The following USP34 variants were observed in gnomAD, a reference collection of about 807,000 sequenced individuals.
USP34 encodes ubiquitin carboxyl-terminal hydrolase 34.
A neutral mutation model predicts 460.3 loss-of-function variants in USP34; 70 were observed. The ratio of observed to expected loss-of-function variants is 0.15; its 90% confidence interval spans 0.13 to 0.19. The LOEUF (loss-of-function observed/expected upper bound fraction) is 0.19. Among genes scored for constraint, USP34 ranks in the 10% least tolerant of loss-of-function variants. The probability of loss-of-function intolerance (pLI) is 1.00; values close to 1 mark genes in which losing one functional copy is unlikely to be tolerated. For missense variants in USP34, 3,985 were observed against 4,236.2 expected (o/e 0.94, Z 1.65); for synonymous variants, 1,647 against 1,405.3 (o/e 1.17, Z -3.85).
chr2:61,210,800 C>A (rs1469332244), intron 69 of USP34, among the ~76,000 whole-genome samples: 1 of 152,162 alleles, frequency 6.6e-6, no homozygotes, highest in Non-Finnish European at 1.5e-5. Flanking sequence ...CAGCTTCCAC[C>A]TTTTGGGCTC....
At chr2:61,261,769 C>G (rs556550429) in intron 43 of USP34, among the ~76,000 whole-genome samples, 2 of 152,046 alleles carry the variant, frequency 1.3e-5, no homozygotes, top group East Asian at 3.9e-4. Flanking sequence ...GAATAAAGTG[C>G]CCACTTGACT....
intron 23 of USP34, among the ~76,000 whole-genome samples, chr2:61,315,376 T>G (rs1046604469): frequency 6.7e-6 from 1 of 148,206 alleles, no homozygotes; most frequent in African/African-American, 2.5e-5. Context: ...CTCACCCAAT[T>G]TTTTTTTTTT....
At chr2:61,267,114 A>G (rs978834830) in intron 41 of USP34, among the ~76,000 whole-genome samples, 1 of 152,208 alleles carries the variant, frequency 6.6e-6, no homozygotes, top group African/African-American at 2.4e-5. Context: ...TGGAACTCCA[A>G]TGGAAGACAA....
Position 61,203,577 on chromosome 2 carries a change from G to A in USP34, c.9385-314C>T, listed in dbSNP as rs184315182. Among the ~76,000 whole-genome samples, 214 of 152,184 alleles carry A rather than the reference G, an allele frequency of 1.4e-3. 1 individual carries two copies. The highest frequency in any genetic ancestry group is 4.9e-3 in the African/African-American group (203 of 41,526). The stretch of plus-strand genomic sequence containing the variant: ...GAAAAATGAATTAAGTTTGACTTTT[G>A]AAATAGATTCCAAGTTATTCCTGTA... On this transcript the variant is annotated intron_variant, in intron 74 of 79. Transcript: ENST00000398571.
rs377590778 is a variant in USP34, at chr2:61,242,971, T to G, written c.6628-1152A>C. On this transcript the variant is annotated intron_variant, in intron 51 of 79. Coordinates refer to ENST00000398571, the MANE Select transcript of USP34 (RefSeq NM_014709.4). ...GGTTCTCCTGTCTCAGCCTCCTGAA[T>G]AGCTGGGATTACAGGTGCCCGCTAT... Among the ~76,000 whole-genome samples, 13 of 152,086 alleles carry G rather than the reference T, an allele frequency of 8.5e-5. No homozygotes were observed. In the East Asian group the frequency reaches 1.2e-3, roughly 14 times the overall value.
At chr2:61,264,847 G>A (rs1282778901) in intron 43 of USP34, among the ~76,000 whole-genome samples, 1 of 151,972 alleles carries the variant, frequency 6.6e-6, no homozygotes, top group Non-Finnish European at 1.5e-5. Flanking sequence ...AACACAGAGA[G>A]ACCTCATCTC....
At chr2:61,229,752 T>G (rs915238421) in intron 58 of USP34, 119 bp from the exon 59 acceptor site, 22 of 791,656 alleles carry the variant, frequency 2.8e-5, no homozygotes, top group East Asian at 1.6e-4. Context: ...ATTATCTTGG[T>G]ATTCTGGAGC....
chr2:61,436,346 A>T (rs1456277678), intron 1 of USP34, among the ~76,000 whole-genome samples: 1 of 152,196 alleles, frequency 6.6e-6, no homozygotes, highest in African/African-American at 2.4e-5. Flanking sequence ...ACATAGACTA[A>T]AAGTGAAAGG....
intron 30 of USP34, among the ~76,000 whole-genome samples, chr2:61,296,117 G>T (rs1031547986): frequency 8.5e-5 from 13 of 152,118 alleles, no homozygotes; most frequent in African/African-American, 3.1e-4. Context: ...AAATGAGCCA[G>T]GCATGGTGCA....
chr2:61,372,493 CTG>C (rs1037058237), intron 8 of USP34, among the ~76,000 whole-genome samples: 2 of 152,092 alleles, frequency 1.3e-5, no homozygotes, highest in African/African-American at 4.8e-5. Flanking sequence ...CTTTGGGAGA[CTG>C]AGGTCGAGGG....
At chr2:61,423,048 A>G (rs565555414) in intron 1 of USP34, among the ~76,000 whole-genome samples, 2 of 152,330 alleles carry the variant, frequency 1.3e-5, no homozygotes, top group South Asian at 4.1e-4. Context: ...CAAACAAAAA[A>G]TAAGTGAATT....
intron 5 of USP34, among the ~76,000 whole-genome samples, chr2:61,394,367 C>T (rs1449394879): frequency 6.6e-6 from 1 of 151,580 alleles, no homozygotes; most frequent in Non-Finnish European, 1.5e-5. Flanking sequence ...TTAAAATGGC[C>T]TGGGCAACAT....
chr2:61,423,221 C>A (rs1330041783), intron 1 of USP34, among the ~76,000 whole-genome samples: 3 of 152,196 alleles, frequency 2.0e-5, no homozygotes, highest in East Asian at 3.8e-4. Context: ...TCAAGCGATT[C>A]TCCTGCCTCA....
rs2103825308 is a variant in USP34 at position 61,228,722 on chromosome 2, A to G, written c.7369-3T>C. Reference sequence around the variant, plus strand: ...TGCAATGAAAGCAAAAATTGGCTCTAAACAAACAAACAAACAAAATTTAAA... The same window carrying G: ...TGCAATGAAAGCAAAAATTGGCTCTGAACAAACAAACAAACAAAATTTAAA... On this transcript the variant is annotated splice_polypyrimidine_tract_variant and splice_region_variant and intron_variant, in intron 60 of 79. Transcript: ENST00000398571. 2 of 1,598,938 alleles carry G rather than the reference A, an allele frequency of 1.3e-6. No homozygotes were observed. Among genetic ancestry groups the G allele is most frequent in the East Asian group, 4.5e-5 (2 of 44,736 alleles).
chr2:61,413,038 C>T lies in USP34; in HGVS notation c.132-6910G>A, dbSNP rs112491233. On this transcript the variant is annotated intron_variant, in intron 2 of 79. Coordinates refer to ENST00000398571, the MANE Select transcript of USP34 (RefSeq NM_014709.4). ...TTCACAACCAAAAGGCCCACCAAAA[C>T]AGACAAAATTTCTGAAGCTGAGGAG... Among the ~76,000 whole-genome samples the T allele has an allele frequency of 8.9e-3, 1,351 of 152,094 alleles. 20 individuals are homozygous for T. The highest frequency in any genetic ancestry group is 0.031 in the African/African-American group (1,275 of 41,480).
intron 2 of USP34, among the ~76,000 whole-genome samples, chr2:61,414,962 G>A (rs1041418199): frequency 2.9e-4 from 44 of 152,154 alleles, no homozygotes; most frequent in African/African-American, 1.1e-3. Flanking sequence ...ACTGCCACCG[G>A]CATGATTAGT....
At position 61,293,565 on chromosome 2, in the gene USP34, G is replaced by C. The variant is rs117505252; in HGVS notation, c.4462-15C>G. 9.7e-4 allele frequency: 1,548 copies of C among 1,599,030 alleles called. 33 individuals are homozygous for C. The East Asian group carries it at 0.028, about 28-fold the overall frequency. ...GCAGCAACAAACTGTAGGCAATTGT[G>C]AAAGTAATAGTAAGAGAAAAGCAGA... is the stretch of plus-strand genomic sequence containing the variant. On this transcript the variant is annotated splice_polypyrimidine_tract_variant and intron_variant, in intron 32 of 79. Coordinates refer to ENST00000398571, the MANE Select transcript of USP34 (RefSeq NM_014709.4).
intron 2 of USP34, 23 bp from the exon 3 acceptor site, chr2:61,406,151 T>G: frequency 6.7e-7 from 1 of 1,484,646 alleles, no homozygotes; most frequent in Non-Finnish European, 9.0e-7. Context: ...AAAAATTGAA[T>G]AAATTAGTAA....
chr2:61,328,258 C>T (rs920765272), intron 20 of USP34, among the ~76,000 whole-genome samples: 5 of 145,602 alleles, frequency 3.4e-5, no homozygotes, highest in East Asian at 2.0e-4. Context: ...GCTGAGATCA[C>T]GACATTGCAC....
Sources: allele counts gnomAD v4.1 joint callset (sites outside exome capture counted in the v4.1 genomes callset), GRCh38; gene constraint gnomAD v4.1.1; transcripts MANE v1.5; gene names NCBI Gene and HGNC (gene_info 2026-07-23, HGNC 2026-07-21).